Variants in ADAM9 observed in about 807,000 individuals in gnomAD.
The protein encoded by ADAM9 is disintegrin and metalloproteinase domain-containing protein 9.
ADAM9 carries 54 observed loss-of-function variants against 108.1 expected under a neutral mutation model. The ratio of observed to expected loss-of-function variants is 0.50; its 90% confidence interval spans 0.40 to 0.63. The LOEUF is 0.63. ADAM9 is among the 20% of genes least tolerant of loss of function. ADAM9 has a pLI of 0.00. For synonymous variants in ADAM9, 316 were observed against 336.0 expected, an observed-to-expected ratio of 0.94 and a Z score of 0.65; for missense variants, 830 against 997.7, an observed-to-expected ratio of 0.83 and a Z score of 2.26.
Position 39,025,655 on chromosome 8 carries a change from A to G in ADAM9, c.915-148A>G, listed in dbSNP as rs555371710. On this transcript the variant is annotated intron_variant, in intron 9 of 21. Coordinates refer to ENST00000487273, the MANE Select transcript of ADAM9 (RefSeq NM_003816.3). ...AATAAGAAGGAGATAAGGCATAAGTATATTCTGATTTTAGAATTTTTTTTT... is the reference window on the plus strand; with the variant it reads ...AATAAGAAGGAGATAAGGCATAAGTGTATTCTGATTTTAGAATTTTTTTTT... 7.0e-4 allele frequency: 473 copies of G among 679,568 alleles called. 7 individuals carry two copies. The highest frequency in any genetic ancestry group is 5.4e-3 in the South Asian group (308 of 56,570). 42.1% of individuals were successfully genotyped at this position (679,568 alleles called of 1,614,324 possible).
chr8:39,020,820 G>A (rs978662044), intron 7 of ADAM9, among the ~76,000 whole-genome samples: 23 of 151,768 alleles, frequency 1.5e-4, no homozygotes, highest in African/African-American at 5.1e-4. Context: ...GAGTCTCTCT[G>A]AACCTGTTCT....
intron 12 of ADAM9, among the ~76,000 whole-genome samples, chr8:39,052,612 A>G (rs1460295697): frequency 6.6e-6 from 1 of 151,946 alleles, no homozygotes; most frequent in Non-Finnish European, 1.5e-5. Flanking sequence ...AACTCTTTTA[A>G]TTGAGGAGGG....
At chr8:39,044,198 T>C (rs1208718576) in intron 12 of ADAM9, among the ~76,000 whole-genome samples, 1 of 152,244 alleles carries the variant, frequency 6.6e-6, no homozygotes, top group Non-Finnish European at 1.5e-5. Context: ...CTCTATGTTT[T>C]CTTCTAAGAG....
intron 11 of ADAM9, among the ~76,000 whole-genome samples, chr8:39,032,745 C>T (rs1355811380): frequency 6.6e-6 from 1 of 152,234 alleles, no homozygotes; most frequent in African/African-American, 2.4e-5. Context: ...TCACCATCTT[C>T]TGCGTCTGTT....
At chr8:39,093,430 T>G (rs758892529) in intron 20 of ADAM9, among the ~76,000 whole-genome samples, 15 of 152,246 alleles carry the variant, frequency 9.9e-5, no homozygotes, top group Non-Finnish European at 2.2e-4. Flanking sequence ...GTGATTTTCA[T>G]ATGTTGATTT....
chr8:39,045,076 G>A (rs13273202), intron 12 of ADAM9, among the ~76,000 whole-genome samples: 798 of 25,190 alleles, frequency 0.032, 76 homozygotes, highest in East Asian at 0.073. Flanking sequence ...ATACATATGT[G>A]TGTGTGCATA....
Position 39,005,490 on chromosome 8 carries a change from A to G in ADAM9, c.98-2396A>G, listed in dbSNP as rs536275063. 3.3e-5 allele frequency among the ~76,000 whole-genome samples: 5 copies of G among 152,360 alleles called. No individual in the cohort carries two copies. The East Asian group carries it at 9.6e-4, about 29-fold the overall frequency. On this transcript the variant is annotated intron_variant, in intron 1 of 21. Transcript: ENST00000487273. ...TAGAAAGCTGTTCCATGAACTGGGC[A>G]ATTGTTGGAACCCAGCTGATATAGG...
chr8:39,037,412 T>A (rs1837317836), intron 11 of ADAM9, among the ~76,000 whole-genome samples: 1 of 147,936 alleles, frequency 6.8e-6, no homozygotes, highest in Non-Finnish European at 1.5e-5. Flanking sequence ...TATATATTTA[T>A]GTAGTATATA....
chr8:39,017,348 G>A lies in ADAM9; in HGVS notation c.540G>A (p.Lys180=), dbSNP rs186443262. ...KEPLKCGVSN[K]DIEKETAKDE... is the part of the protein sequence containing the mutation. ...CTCTGAAATGTGGAGTTTCCAACAAGGATATAGAGAAAGAAACTGCAAAGG... is the reference window on the plus strand; with the variant it reads ...CTCTGAAATGTGGAGTTTCCAACAAAGATATAGAGAAAGAAACTGCAAAGG... The change falls in exon 6 of 22, where the codon AAG becomes AAA. Residue 180 remains lysine (K), a synonymous_variant. Transcript: ENST00000487273. The A allele has an allele frequency of 2.6e-5, 42 of 1,614,050 alleles. No homozygotes were observed. Among genetic ancestry groups the A allele is most frequent in the African/African-American group, 2.3e-4 (17 of 75,004 alleles).
At chr8:39,062,028 T>C (rs926298173) in intron 14 of ADAM9, among the ~76,000 whole-genome samples, 4 of 152,160 alleles carry the variant, frequency 2.6e-5, no homozygotes, top group African/African-American at 9.7e-5. Flanking sequence ...TTTCTTCTTA[T>C]AAGATCGCCA....
intron 16 of ADAM9, among the ~76,000 whole-genome samples, chr8:39,080,088 A>G (rs1025803595): frequency 1.3e-5 from 2 of 152,012 alleles, no homozygotes; most frequent in African/African-American, 4.8e-5. Flanking sequence ...CTCTTGCAGT[A>G]TTACACAAAT....
chr8:39,095,201 A>G (rs1006103592), intron 20 of ADAM9, among the ~76,000 whole-genome samples: 1 of 152,072 alleles, frequency 6.6e-6, no homozygotes, highest in African/African-American at 2.4e-5. Context: ...CCTATACTCA[A>G]TTAATTCTGT....
At chr8:39,065,899 C>T (rs1416549802) in intron 14 of ADAM9, among the ~76,000 whole-genome samples, 2 of 152,096 alleles carry the variant, frequency 1.3e-5, no homozygotes, top group African/African-American at 2.4e-5. Context: ...TATCCCTTCC[C>T]ACTCCCCCCA....
chr8:39,055,628 C>T lies in ADAM9; in HGVS notation c.1447C>T (p.Pro483Ser). ...AGGAAAAACCAGTGAGTGTGATGTT[C>T]CAGAGTACTGCAATGGTTCTTCTCA... is the stretch of plus-strand genomic sequence containing the variant. The part of the protein sequence containing the change: ...CRGKTSECDV[P>S]EYCNGSSQFC... Residue 483 changes from proline (P) to serine (S), a missense_variant, in exon 14 of 22, where the codon CCA (proline) becomes TCA (serine). This residue lies in a region of ADAM9 where 381 missense variants were observed against 539.8 expected (regional missense o/e 0.71). Transcript: ENST00000487273. The T allele has an allele frequency of 6.2e-7, 1 of 1,613,750 alleles. No individual in the cohort carries two copies. The highest frequency in any genetic ancestry group is 8.5e-7 in the Non-Finnish European group (1 of 1,179,736).
rs1170781135 is a variant in ADAM9 at position 39,016,101 on chromosome 8, C to T, written c.334-17C>T. On this transcript the variant is annotated splice_polypyrimidine_tract_variant and intron_variant, in intron 4 of 21. Coordinates refer to ENST00000487273, the MANE Select transcript of ADAM9 (RefSeq NM_003816.3). ...AATGTAGCAATATTTGAAGATAATA[C>T]AGTATTTTTCATTTAGAATCATTGT... 5 of 1,603,172 alleles carry T rather than the reference C, an allele frequency of 3.1e-6. No individual in the cohort carries two copies. The African/African-American group carries it at 4.0e-5, about 13-fold the overall frequency.
At chr8:39,024,341 A>G (rs1308322882) in intron 9 of ADAM9, among the ~76,000 whole-genome samples, 2 of 152,032 alleles carry the variant, frequency 1.3e-5, no homozygotes, top group African/African-American at 4.8e-5. Context: ...AGCAGGTGTC[A>G]AGCATACTCA....
In ADAM9 at chr8:39,080,118, T is replaced by G. The variant is rs868197099; in HGVS notation, c.1882-2523T>G. On this transcript the variant is annotated intron_variant, in intron 16 of 21. Coordinates refer to ENST00000487273, the MANE Select transcript of ADAM9 (RefSeq NM_003816.3). ...ACAAATTATTTATTTGTGTGTGGGGTGTGTGTGTGTGTGCACATACACTTT... is the reference window on the plus strand; with the variant it reads ...ACAAATTATTTATTTGTGTGTGGGGGGTGTGTGTGTGTGCACATACACTTT... Among the ~76,000 whole-genome samples, 66 of 151,870 alleles carry G rather than the reference T, an allele frequency of 4.3e-4. 1 individual carries two copies. Among genetic ancestry groups the G allele is most frequent in the African/African-American group, 1.4e-3 (59 of 41,480 alleles).
intron 14 of ADAM9, among the ~76,000 whole-genome samples, chr8:39,070,212 A>G (rs1177262294): frequency 6.6e-6 from 1 of 151,766 alleles, no homozygotes; most frequent in East Asian, 1.9e-4. Context: ...CTAACAATAA[A>G]TTGTGAATAC....
chr8:39,037,344 C>A (rs568496930), intron 11 of ADAM9, among the ~76,000 whole-genome samples: 9 of 140,536 alleles, frequency 6.4e-5, no homozygotes, highest in Non-Finnish European at 1.4e-4. Context: ...CCACCACGCC[C>A]GGCCTGCCTG....
Sources: allele counts gnomAD v4.1 joint callset (sites outside exome capture counted in the v4.1 genomes callset), GRCh38; gene constraint gnomAD v4.1.1; regional missense constraint gnomAD v4.1.1; transcripts MANE v1.5; gene names NCBI Gene and HGNC (gene_info 2026-07-23, HGNC 2026-07-21).